NAA11: variants seen among roughly 807,000 people sequenced by gnomAD.
NAA11 encodes the protein N-alpha-acetyltransferase 11, NatA catalytic subunit.
A neutral mutation model predicts 16.1 loss-of-function variants in NAA11; 15 were observed. The observed-to-expected ratio is 0.93, with a 90% CI of 0.62 to 1.44. The LOEUF is 1.44. Among genes scored for constraint, NAA11 ranks in the 40% most tolerant of loss-of-function variants. The pLI is 0.00. For synonymous variants in NAA11, 122 were observed against 112.4 expected, an observed-to-expected ratio of 1.09 and a Z score of -0.54; for missense variants, 298 against 291.3, an observed-to-expected ratio of 1.02 and a Z score of -0.17.
chr4:79,245,097 G>A (rs1305274545), intron 2 of NAA11: 1 of 159,542 alleles, frequency 6.3e-6, no homozygotes, highest in African/African-American at 2.4e-5. Context: ...TATTGTCTGG[G>A]ATGTGAGGAG....
chr4:79,262,792 G>T (rs1722268944), intron 2 of NAA11, among the ~76,000 whole-genome samples: 1 of 152,066 alleles, frequency 6.6e-6, no homozygotes, highest in Admixed American at 6.6e-5. Flanking sequence ...GTTCTAAAGG[G>T]CATAAATATA....
At chr4:79,286,702 C>T (rs749467703) in intron 2 of NAA11, among the ~76,000 whole-genome samples, 5 of 151,936 alleles carry the variant, frequency 3.3e-5, no homozygotes, top group African/African-American at 4.8e-5. Flanking sequence ...ATATGTATTA[C>T]GTATCTGCTA....
At chr4:79,235,915 G>A (rs1361126647) in intron 2 of NAA11, among the ~76,000 whole-genome samples, 1 of 150,128 alleles carries the variant, frequency 6.7e-6, no homozygotes, top group African/African-American at 2.5e-5. Flanking sequence ...GTATGGATCA[G>A]ATAGATAGAT....
chr4:79,303,550 G>A (rs1297990826), intron 1 of NAA11, among the ~76,000 whole-genome samples: 1 of 152,188 alleles, frequency 6.6e-6, no homozygotes, highest in African/African-American at 2.4e-5. Flanking sequence ...AAGGAACACA[G>A]TGCCATTTGA....
chr4:79,267,665 C>G (rs565680144), intron 2 of NAA11, among the ~76,000 whole-genome samples: 1 of 152,074 alleles, frequency 6.6e-6, no homozygotes, highest in Non-Finnish European at 1.5e-5. Flanking sequence ...TTGTGTCCTC[C>G]TCTTCTTGGG....
the NAA11 span, among the ~76,000 whole-genome samples, chr4:79,215,897 C>G: frequency 6.6e-6 from 1 of 152,028 alleles, no homozygotes; most frequent in East Asian, 1.9e-4. Flanking sequence ...CACCTTATCT[C>G]TAAGTATTAT....
At chr4:79,195,529 C>T in the NAA11 span, among the ~76,000 whole-genome samples, 4 of 151,954 alleles carry the variant, frequency 2.6e-5, no homozygotes, top group African/African-American at 9.7e-5. Context: ...ATCCAGTAAG[C>T]TAGTTTAATG....
At chr4:79,248,662 A>T (rs1258513197) in intron 2 of NAA11, among the ~76,000 whole-genome samples, 1 of 152,074 alleles carries the variant, frequency 6.6e-6, no homozygotes, top group Admixed American at 6.5e-5. Context: ...ACCCTGTGCC[A>T]CCATTGCCAC....
At chr4:79,180,436 A>G in the NAA11 span, among the ~76,000 whole-genome samples, 6 of 152,328 alleles carry the variant, frequency 3.9e-5, no homozygotes, top group South Asian at 4.1e-4. Flanking sequence ...ATATGAACAG[A>G]CACTTCTCAA....
At chr4:79,295,829 TTGAG>T (rs1361828684) in intron 1 of NAA11, among the ~76,000 whole-genome samples, 3 of 152,334 alleles carry the variant, frequency 2.0e-5, no homozygotes, top group South Asian at 4.1e-4. Context: ...GCAGAACAGA[TTGAG>T]TTATTATAAC....
At chr4:79,312,302 T>C (rs1723794618), downstream of NAA11, among the ~76,000 whole-genome samples, 1 of 152,186 alleles carries the variant, frequency 6.6e-6, no homozygotes, top group Non-Finnish European at 1.5e-5. Context: ...ACCAACCAGA[T>C]GCTTGCCCTA....
the NAA11 span, among the ~76,000 whole-genome samples, chr4:79,174,572 TA>T: frequency 8.9e-3 from 1,359 of 152,254 alleles, 9 homozygotes; most frequent in Admixed American, 0.011. Context: ...TATTTATATT[TA>T]AAAACTCCAG....
chr4:79,266,161 G>A (rs1722340176), intron 2 of NAA11, among the ~76,000 whole-genome samples: 2 of 152,152 alleles, frequency 1.3e-5, no homozygotes, highest in South Asian at 2.1e-4. Context: ...AACAGAATGT[G>A]GGACTTGCAG....
At chr4:79,171,079 G>A in the NAA11 span, among the ~76,000 whole-genome samples, 10 of 152,142 alleles carry the variant, frequency 6.6e-5, no homozygotes, top group African/African-American at 2.4e-4. Context: ...CTGCTCTCTT[G>A]AGATGTTAAG....
intron 2 of NAA11, among the ~76,000 whole-genome samples, chr4:79,278,388 C>T (rs1722712836): frequency 2.0e-5 from 3 of 152,080 alleles, no homozygotes; most frequent in Admixed American, 2.0e-4. Context: ...TTGTACTAAG[C>T]CCTGAATTAC....
At chr4:79,231,111 A>G (rs1023542918) in intron 2 of NAA11, among the ~76,000 whole-genome samples, 5 of 152,010 alleles carry the variant, frequency 3.3e-5, no homozygotes, top group Non-Finnish European at 5.9e-5. Context: ...GTTTCAACAG[A>G]CAAACTGACA....
intron 2 of NAA11, among the ~76,000 whole-genome samples, chr4:79,234,142 C>A (rs1216143443): frequency 6.6e-6 from 1 of 152,222 alleles, no homozygotes; most frequent in East Asian, 1.9e-4. Flanking sequence ...TAAAACAAGT[C>A]TTCATGTGAG....
chr4:79,216,236 A>G, the NAA11 span, among the ~76,000 whole-genome samples: 3 of 152,038 alleles, frequency 2.0e-5, no homozygotes, highest in Non-Finnish European at 4.4e-5. Context: ...AGAAAATAAA[A>G]CCATCCAGAG....
At chr4:79,186,630 CT>C in the NAA11 span, among the ~76,000 whole-genome samples, 1 of 152,124 alleles carries the variant, frequency 6.6e-6, no homozygotes, top group Non-Finnish European at 1.5e-5. Context: ...ACATTCTCAG[CT>C]GTACCAAAAC....
Sources: allele counts gnomAD v4.1 joint callset (sites outside exome capture counted in the v4.1 genomes callset), GRCh38; gene constraint gnomAD v4.1.1; transcripts MANE v1.5; gene names NCBI Gene and HGNC (gene_info 2026-07-23, HGNC 2026-07-21).